The following PTPRQ variants were observed in gnomAD, a reference collection of about 807,000 sequenced individuals.
PTPRQ encodes protein tyrosine phosphatase receptor type Q, also known as phosphatidylinositol phosphatase PTPRQ.
A neutral mutation model predicts 246.0 loss-of-function variants in PTPRQ; 199 were observed. That is an observed-to-expected ratio of 0.81 (90% CI 0.72 to 0.91). The LOEUF is 0.91. PTPRQ is among the 40% of genes least tolerant of loss of function. The probability of loss-of-function intolerance (pLI) is 0.00; values close to 1 mark genes in which losing one functional copy is unlikely to be tolerated. For missense variants in PTPRQ, 2,624 were observed against 2,528.4 expected (o/e 1.04, Z -0.81); for synonymous variants, 869 against 853.2 (o/e 1.02, Z -0.32).
chr12:80,503,354 G>C (rs576648976), intron 14 of PTPRQ, among the ~76,000 whole-genome samples: 1 of 151,706 alleles, frequency 6.6e-6, no homozygotes, highest in Non-Finnish European at 1.5e-5. Context: ...TTGCTAAATC[G>C]AACTATGCAT....
chr12:80,455,390 A>G (rs182345722), intron 3 of PTPRQ, among the ~76,000 whole-genome samples: 446 of 152,354 alleles, frequency 2.9e-3, no homozygotes, highest in African/African-American at 0.01. Context: ...ATTTTAAAAT[A>G]AAACTTATAG....
chr12:80,528,569 T>A (rs1337733361), intron 17 of PTPRQ, among the ~76,000 whole-genome samples: 1 of 152,138 alleles, frequency 6.6e-6, no homozygotes, highest in East Asian at 1.9e-4. Context: ...TCCTCAGAAA[T>A]TTTCCCAAAT....
At chr12:80,553,055 G>A (rs551489584) in intron 25 of PTPRQ, among the ~76,000 whole-genome samples, 5 of 152,112 alleles carry the variant, frequency 3.3e-5, no homozygotes, top group African/African-American at 7.2e-5. Context: ...CTAACAGAAA[G>A]CCTTGGACAT....
intron 3 of PTPRQ, among the ~76,000 whole-genome samples, chr12:80,453,237 C>G (rs1457234539): frequency 2.0e-5 from 3 of 152,210 alleles, no homozygotes; most frequent in South Asian, 4.1e-4. Flanking sequence ...AAGCACTTCT[C>G]TATATTCGTT....
chr12:80,582,175 A>G (rs1241562917), intron 25 of PTPRQ, among the ~76,000 whole-genome samples: 1 of 152,180 alleles, frequency 6.6e-6, no homozygotes, highest in African/African-American at 2.4e-5. Context: ...CGATATATCC[A>G]TTTCAATGTG....
intron 39 of PTPRQ, among the ~76,000 whole-genome samples, chr12:80,658,935 A>G (rs1338681378): frequency 6.6e-6 from 1 of 152,032 alleles, no homozygotes; most frequent in African/African-American, 2.4e-5. Flanking sequence ...TCCAACGTCA[A>G]ACATACTTGT....
intron 26 of PTPRQ, among the ~76,000 whole-genome samples, chr12:80,591,286 C>T (rs1049217635): frequency 6.6e-6 from 1 of 151,804 alleles, no homozygotes; most frequent in African/African-American, 2.4e-5. Flanking sequence ...CCACTGTGAC[C>T]AGCTAATTTT....
chr12:80,480,797 A>G (rs1592561846), intron 8 of PTPRQ, among the ~76,000 whole-genome samples: 1 of 152,238 alleles, frequency 6.6e-6, no homozygotes, highest in Non-Finnish European at 1.5e-5. Context: ...ATTCCTCGAC[A>G]CATACACTCT....
chr12:80,679,549 G>A lies in PTPRQ; in HGVS notation c.*526G>A, dbSNP rs923914279. On this transcript the variant is annotated 3_prime_UTR_variant, in exon 45 of 45. Transcript: ENST00000644991. ...TATCATCTCATGATCCCGAACAGCT[G>A]AACAGTAACCCCCTGACACTGCAGG... 1 of 152,066 alleles carries A rather than the reference G, an allele frequency of 6.6e-6. No homozygotes were observed. Among genetic ancestry groups the A allele is most frequent in the Non-Finnish European group, 1.5e-5 (1 of 68,054 alleles). The allele number at this position is 152,066 out of a possible 1,614,324, so 9.4% of individuals were successfully genotyped here. A position where few individuals can be genotyped will look rare whatever the true frequency, so the allele number is the denominator to read the frequency against.
intron 17 of PTPRQ, among the ~76,000 whole-genome samples, chr12:80,514,624 A>T (rs1457704426): frequency 7.0e-6 from 1 of 142,378 alleles, no homozygotes; most frequent in Non-Finnish European, 1.5e-5. Flanking sequence ...TATTATACAA[A>T]TTTTTAAATA....
chr12:80,643,274 C>T (rs551186131), intron 35 of PTPRQ, among the ~76,000 whole-genome samples: 3 of 152,048 alleles, frequency 2.0e-5, no homozygotes, highest in African/African-American at 7.2e-5. Context: ...CCCGTCTCTA[C>T]TAAAAGTACA....
intron 6 of PTPRQ, chr12:80,462,175 T>G: frequency 5.9e-6 from 1 of 170,306 alleles, no homozygotes. Context: ...ACTGCGCTTT[T>G]CCGACAGGCT....
intron 29 of PTPRQ, among the ~76,000 whole-genome samples, chr12:80,615,028 C>A (rs1592719024): frequency 6.6e-6 from 1 of 151,046 alleles, no homozygotes; most frequent in Middle Eastern, 3.4e-3. Context: ...CCTACTGAAT[C>A]AAAATCTGCA....
At chr12:80,533,632 A>G (rs961610606) in intron 17 of PTPRQ, among the ~76,000 whole-genome samples, 1 of 152,058 alleles carries the variant, frequency 6.6e-6, no homozygotes, top group African/African-American at 2.4e-5. Context: ...ATAAATTAAT[A>G]GTTTAAATAA....
intron 25 of PTPRQ, among the ~76,000 whole-genome samples, chr12:80,575,612 T>G (rs893097898): frequency 2.0e-5 from 3 of 148,180 alleles, no homozygotes; most frequent in Non-Finnish European, 4.5e-5. Flanking sequence ...GAGGCCAGGG[T>G]GGGCAGATCT....
intron 25 of PTPRQ, among the ~76,000 whole-genome samples, chr12:80,552,645 TTATATATATATA>T (rs71094985): frequency 0.088 from 6,739 of 76,432 alleles, 753 homozygotes; most frequent in Admixed American, 0.11. Context: ...AAAAAAAAAA[TTATATATATATA>T]TATATATATA....
At chr12:80,671,722 T>C (rs565482026) in intron 42 of PTPRQ, among the ~76,000 whole-genome samples, 1 of 152,186 alleles carries the variant, frequency 6.6e-6, no homozygotes, top group African/African-American at 2.4e-5. Context: ...AAACAGAACA[T>C]TTGACTCAAT....
intron 26 of PTPRQ, among the ~76,000 whole-genome samples, chr12:80,596,776 T>C (rs895412363): frequency 6.6e-6 from 1 of 152,024 alleles, no homozygotes. Flanking sequence ...GATTTAACTA[T>C]GAAAATTCCA....
At chr12:80,648,255 G>A (rs1900141092) in intron 35 of PTPRQ, among the ~76,000 whole-genome samples, 1 of 151,934 alleles carries the variant, frequency 6.6e-6, no homozygotes, top group Non-Finnish European at 1.5e-5. Context: ...GTGCTAATTT[G>A]TTGTGCATGA....
Sources: gnomAD v4.1 joint callset for allele counts (sites outside exome capture counted in the v4.1 genomes callset) on GRCh38, gnomAD v4.1.1 for gene constraint, MANE v1.5 for transcripts, NCBI Gene and HGNC (gene_info 2026-07-23, HGNC 2026-07-21) for gene names.